PLEKHA6: variants seen among roughly 807,000 people sequenced by gnomAD.
PLEKHA6 encodes the protein pleckstrin homology domain containing A6.
A neutral mutation model predicts 116.7 loss-of-function variants in PLEKHA6; 60 were observed. That is an observed-to-expected ratio of 0.51 (90% confidence interval 0.42 to 0.64). The LOEUF (loss-of-function observed/expected upper bound fraction) is 0.64, where lower values mean the gene tolerates loss of function less well. Ranked by LOEUF, PLEKHA6 falls within the 30% of genes least tolerant of loss-of-function variation. The probability of loss-of-function intolerance (pLI) is 0.00; values close to 1 mark genes in which losing one functional copy is unlikely to be tolerated. For synonymous variants in PLEKHA6, 489 were observed against 556.1 expected (o/e 0.88, Z 1.70); for missense variants, 1,338 against 1,422.7 (o/e 0.94, Z 0.96).
At chr1:204,272,054 G>A (rs572751544) in intron 3 of PLEKHA6, among the ~76,000 whole-genome samples, 110 of 151,892 alleles carry the variant, frequency 7.2e-4, no homozygotes, top group African/African-American at 2.1e-3. Context: ...CCCCTTCCCC[G>A]GATTAAGAAA....
At chr1:204,346,805 C>G (rs1453127683) in intron 1 of PLEKHA6, 3 of 1,221,454 alleles carry the variant, frequency 2.5e-6, no homozygotes, top group Admixed American at 1.7e-5. Flanking sequence ...GGAATAGGTT[C>G]CAGCAGCTCA....
At position 204,241,814 on chromosome 1, in the gene PLEKHA6, G is replaced by A; in HGVS notation, c.2173C>T (p.Pro725Ser). Residue 725 changes from proline (P) to serine (S), a missense_variant and splice_region_variant, in exon 16 of 23, where the codon CCC becomes TCC. By Grantham distance (74) the Pro-to-Ser change is moderately conservative. This residue lies in a region of PLEKHA6 where 1,136 missense variants were observed against 1,163.6 expected (regional missense o/e 0.98). Transcript: ENST00000272203. Reference protein sequence around the residue: ...GSPTKPGSNEPKANYEQSKKD... With the variant: ...GSPTKPGSNESKANYEQSKKD... ...TTGCTTTGTTCATAGTTTGCCTTGG[G>A]CTGGGGAGAAAGGGTGAGAAGATGG... The A allele has an allele frequency of 6.2e-7, 1 of 1,614,126 alleles. No individual in the cohort carries two copies. Among genetic ancestry groups the A allele is most frequent in the Admixed American group, 1.7e-5 (1 of 60,028 alleles).
At chr1:204,375,400 C>T (rs1673851083) in intron 1 of PLEKHA6, among the ~76,000 whole-genome samples, 1 of 152,118 alleles carries the variant, frequency 6.6e-6, no homozygotes, top group Admixed American at 6.5e-5. Flanking sequence ...AAATTCTAAG[C>T]TTCACCTCTG....
intron 14 of PLEKHA6, 46 bp from the exon 15 acceptor site, chr1:204,245,049 G>A: frequency 7.4e-7 from 1 of 1,350,244 alleles, no homozygotes; most frequent in Admixed American, 3.3e-5. Flanking sequence ...GAGGGGTGCG[G>A]CCTGGTGGGT....
In PLEKHA6 at chr1:204,277,524, G is replaced by C. The variant is rs2102933299; in HGVS notation, c.-94-2715C>G. On this transcript the variant is annotated intron_variant, in intron 1 of 22. Coordinates refer to ENST00000272203, the MANE Select transcript of PLEKHA6 (RefSeq NM_014935.5). This position sits in a 1 kb window ranked among gnomAD's most constrained non-coding sequence, Gnocchi z 4.1. ...GCTGAAACCCATGCCAGCCCGACCT[G>C]TAGGGAGACAGTCCTCCTGCCTCCC... 6.6e-6 allele frequency: 1 copy of C among 152,296 alleles called. No individual in the cohort carries two copies. The allele number at this position is 152,296 out of a possible 1,614,324, so 9.4% of individuals were successfully genotyped here. A position where few individuals can be genotyped will look rare whatever the true frequency, so the allele number is the denominator to read the frequency against.
chr1:204,309,697 A>G, intron 1 of PLEKHA6: 1 of 915,396 alleles, frequency 1.1e-6, no homozygotes, highest in African/African-American at 1.8e-5. Context: ...GGAACTGTAC[A>G]AGATATGGTA....
chr1:204,292,590 C>T (rs1438174075), intron 1 of PLEKHA6, among the ~76,000 whole-genome samples: 2 of 152,232 alleles, frequency 1.3e-5, no homozygotes, highest in East Asian at 3.9e-4. Context: ...CTGGCTGATG[C>T]CCCCCATTTC....
In PLEKHA6 at chr1:204,375,875, C is replaced by T. The variant is rs576562694; in HGVS notation, c.83+1708G>A. Among the ~76,000 whole-genome samples, 10 of 116,684 alleles carry T rather than the reference C, an allele frequency of 8.6e-5. 1 individual carries two copies. The highest frequency in any genetic ancestry group is 2.8e-4 in the African/African-American group (8 of 28,534). The allele number at this position is 116,684 out of a possible 152,430, so 76.5% of individuals were successfully genotyped here. ...TCTAGGTTACCTGTTCCTCAGCCCC[C>T]ACTGGTGCCTTTATTTCCCCAAGCC... On this transcript the variant is annotated intron_variant, in intron 1 of 4. Coordinates refer to the PLEKHA6 transcript ENST00000564627.
intron 18 of PLEKHA6, 101 bp from the exon 19 acceptor site, chr1:204,229,205 T>C: frequency 8.8e-7 from 1 of 1,140,714 alleles, no homozygotes; most frequent in Non-Finnish European, 1.3e-6. Flanking sequence ...TCGCCTGATC[T>C]AGCTGCCACC....
chr1:204,300,061 A>C (rs1207259745), intron 1 of PLEKHA6, among the ~76,000 whole-genome samples: 1 of 152,184 alleles, frequency 6.6e-6, no homozygotes, highest in Non-Finnish European at 1.5e-5. Flanking sequence ...AAGATAGAAG[A>C]GGGAGGTTAT....
chr1:204,346,596 C>T (rs886700896), intron 1 of PLEKHA6, among the ~76,000 whole-genome samples: 5 of 152,148 alleles, frequency 3.3e-5, no homozygotes, highest in Admixed American at 6.5e-5. Flanking sequence ...CGGCAGGAAA[C>T]ATGGAAACAT....
chr1:204,233,911 G>A (rs1185597127), intron 17 of PLEKHA6, among the ~76,000 whole-genome samples: 1 of 152,120 alleles, frequency 6.6e-6, no homozygotes, highest in Admixed American at 6.6e-5. Context: ...ACAGTCATGG[G>A]CTGAGACTTT....
chr1:204,348,568 C>A (rs1378072159), intron 1 of PLEKHA6, among the ~76,000 whole-genome samples: 3 of 152,112 alleles, frequency 2.0e-5, no homozygotes, highest in African/African-American at 7.2e-5. Flanking sequence ...GTGTGGATTC[C>A]TTCATTCGCT....
Position 204,220,657 on chromosome 1 carries a change from T to G in PLEKHA6, c.*2131A>C, listed in dbSNP as rs1156400872. On this transcript the variant is annotated 3_prime_UTR_variant, in exon 23 of 23. Transcript: ENST00000272203. ...TGGTCTTGATATGCTAGGAATGATG[T>G]GGAAAATAAGGGAGAGAAAAACAGG... The G allele has an allele frequency of 6.6e-6, 1 of 152,272 alleles. No individual in the cohort carries two copies. The highest frequency in any genetic ancestry group is 2.4e-5 in the African/African-American group (1 of 41,316). The allele number at this position is 152,272 out of a possible 1,614,324, so 9.4% of individuals were successfully genotyped here. A position where few individuals can be genotyped will look rare whatever the true frequency, so the allele number is the denominator to read the frequency against.
chr1:204,288,955 G>C (rs1237130723), intron 1 of PLEKHA6, among the ~76,000 whole-genome samples: 1 of 152,162 alleles, frequency 6.6e-6, no homozygotes, highest in Non-Finnish European at 1.5e-5. Context: ...CGGAAGGTGA[G>C]CAAGAACAAG....
intron 21 of PLEKHA6, among the ~76,000 whole-genome samples, chr1:204,224,189 C>A (rs1393635509): frequency 6.6e-6 from 1 of 152,068 alleles, no homozygotes; most frequent in African/African-American, 2.4e-5. Flanking sequence ...AAACTTCGGT[C>A]CACCCCTGAG....
At chr1:204,333,716 G>A (rs1327987672) in intron 1 of PLEKHA6, among the ~76,000 whole-genome samples, 1 of 152,132 alleles carries the variant, frequency 6.6e-6, no homozygotes, top group Non-Finnish European at 1.5e-5. Context: ...CAGGGAAGGG[G>A]GAATCCTGCA....
In PLEKHA6 at chr1:204,245,740, A is replaced by G. The variant is rs766424070; in HGVS notation, c.1921-14T>C. On this transcript the variant is annotated splice_polypyrimidine_tract_variant and intron_variant, in intron 13 of 22. Coordinates refer to ENST00000272203, the MANE Select transcript of PLEKHA6 (RefSeq NM_014935.5). Reference sequence around the variant, plus strand: ...CAGCACCTCATTCTGAAGCAGCCACACAGTGAGTCAAAGGAAATGGCCATG... The same window carrying G: ...CAGCACCTCATTCTGAAGCAGCCACGCAGTGAGTCAAAGGAAATGGCCATG... 1 of 1,569,618 alleles carries G rather than the reference A, an allele frequency of 6.4e-7. No homozygotes were observed. Among genetic ancestry groups the G allele is most frequent in the Admixed American group, 1.7e-5 (1 of 59,932 alleles).
chr1:204,244,723 T>C, intron 15 of PLEKHA6, 141 bp downstream of exon 15: 1 of 560,060 alleles, frequency 1.8e-6, no homozygotes, highest in Non-Finnish European at 3.0e-6. Flanking sequence ...GGTGTGAGAA[T>C]GACCTCCTTA....
Sources: gnomAD v4.1 joint callset for allele counts (sites outside exome capture counted in the v4.1 genomes callset) on GRCh38, gnomAD v4.1.1 for gene constraint, gnomAD v4.1.1 regional missense constraint, Gnocchi (gnomAD v3.1) non-coding constraint, MANE v1.5 for transcripts, NCBI Gene and HGNC (gene_info 2026-07-23, HGNC 2026-07-21) for gene names.